Variants in PHLPP2 observed in about 807,000 individuals in gnomAD.
PHLPP2 encodes PH domain leucine-rich repeat-containing protein phosphatase 2.
In PHLPP2, 66 loss-of-function variants were observed where a neutral mutation model predicts 124.9. That is an observed-to-expected ratio of 0.53 (90% confidence interval 0.43 to 0.65). PHLPP2 has a LOEUF of 0.65. Ranked by LOEUF, PHLPP2 falls within the 30% of genes least tolerant of loss-of-function variation. The pLI is 0.00. For synonymous variants in PHLPP2, 681 were observed against 624.7 expected, an observed-to-expected ratio of 1.09 and a Z score of -1.34; for missense variants, 1,685 against 1,600.4, an observed-to-expected ratio of 1.05 and a Z score of -0.90.
rs550709866 is a variant in PHLPP2, at chr16:71,664,069, A to C, written c.1815T>G (p.Ser605Arg). ...TGCAGGCGGATGGTAAAGACTCCAG[A>C]CTATTTGCAGATGCATTCAAGTATC... is the stretch of plus-strand genomic sequence containing the variant. ...NLRYLNASAN[S>R]LESLPSACTG... Residue 605 changes from serine to arginine, a missense_variant, in exon 13 of 19, where the codon AGT (serine) becomes AGG (arginine). Physicochemically the swap from Ser to Arg is moderately radical, Grantham distance 110. Coordinates refer to ENST00000568954, the MANE Select transcript of PHLPP2 (RefSeq NM_015020.3). 12 of 1,613,784 alleles carry C rather than the reference A, an allele frequency of 7.4e-6. No individual in the cohort carries two copies. In the South Asian group the frequency reaches 1.2e-4, roughly 16 times the overall value.
chr16:71,659,006 C>G (rs1473985691), intron 13 of PHLPP2, among the ~76,000 whole-genome samples, 191 bp from the exon 14 acceptor site: 1 of 152,142 alleles, frequency 6.6e-6, no homozygotes, highest in Non-Finnish European at 1.5e-5. Flanking sequence ...CCTGCTATAA[C>G]TAAGCCTGAT....
chr16:71,714,938 C>T, intron 1 of PHLPP2, 137 bp from the exon 2 acceptor site: 1 of 1,033,926 alleles, frequency 9.7e-7, no homozygotes, highest in South Asian at 1.7e-5. Flanking sequence ...TGGAGCACTT[C>T]ACATCTATCA....
At chr16:71,718,428 A>C (rs1031976464) in intron 1 of PHLPP2, among the ~76,000 whole-genome samples, 20 of 151,900 alleles carry the variant, frequency 1.3e-4, no homozygotes, top group Non-Finnish European at 2.4e-4. Flanking sequence ...AAATACAAAA[A>C]CATTAGCTGG....
intron 16 of PHLPP2, among the ~76,000 whole-genome samples, chr16:71,655,934 C>T (rs979514985): frequency 6.6e-6 from 1 of 152,138 alleles, no homozygotes; most frequent in African/African-American, 2.4e-5. Context: ...GGGAAACAGT[C>T]GCATTCATGG....
At chr16:71,661,591 G>C (rs960466806) in intron 13 of PHLPP2, among the ~76,000 whole-genome samples, 2 of 151,872 alleles carry the variant, frequency 1.3e-5, no homozygotes, top group Non-Finnish European at 2.9e-5. Context: ...AATTTCAAGA[G>C]AGCTACCACA....
chr16:71,720,267 C>G (rs2045390412), intron 1 of PHLPP2, among the ~76,000 whole-genome samples: 1 of 151,870 alleles, frequency 6.6e-6, no homozygotes, highest in South Asian at 2.1e-4. Context: ...CCGCGCCTGG[C>G]CACGCCCAGC....
Position 71,674,126 on chromosome 16 carries a change from G to A in PHLPP2, c.1472-1804C>T, listed in dbSNP as rs1169951728. Reference sequence around the variant, plus strand: ...GAGCTTTGCTCTTGTTGCCCAAGCTGGAGTGTAATGGCATGACCTTGGCTC... The same window carrying A: ...GAGCTTTGCTCTTGTTGCCCAAGCTAGAGTGTAATGGCATGACCTTGGCTC... On this transcript the variant is annotated intron_variant, in intron 9 of 18. Transcript: ENST00000568954. 6.0e-5 allele frequency among the ~76,000 whole-genome samples: 9 copies of A among 149,520 alleles called. No homozygotes were observed. In the Admixed American group the frequency reaches 6.0e-4, roughly 10 times the overall value.
In PHLPP2 at chr16:71,690,716, A is replaced by G. The variant is rs2145353808; in HGVS notation, c.419-7T>C. ...TCCATGTGGCATGGTTTTTCTGAAA[A>G]GGAAATAATACTTCAGAATCCACCA... On this transcript the variant is annotated splice_polypyrimidine_tract_variant and splice_region_variant and intron_variant, in intron 3 of 18. Transcript: ENST00000568954. 2 of 1,590,084 alleles carry G rather than the reference A, an allele frequency of 1.3e-6. No homozygotes were observed. Among genetic ancestry groups the G allele is most frequent in the African/African-American group, 1.3e-5 (1 of 74,480 alleles).
Position 71,690,188 on chromosome 16 carries a change from G to A in PHLPP2, c.609+331C>T, listed in dbSNP as rs114686218. Among the ~76,000 whole-genome samples, 902 of 152,190 alleles carry A rather than the reference G, an allele frequency of 5.9e-3. 11 individuals carry two copies. Among genetic ancestry groups the A allele is most frequent in the African/African-American group, 0.019 (795 of 41,530 alleles). ...TTAATTGGGGGGGAAAAAAAACCCC[G>A]AAAGAATCTATTTGGTGATGGATGC... On this transcript the variant is annotated intron_variant, in intron 4 of 18. Coordinates refer to ENST00000568954, the MANE Select transcript of PHLPP2 (RefSeq NM_015020.3).
At chr16:71,710,305 T>C (rs964345294) in intron 2 of PHLPP2, among the ~76,000 whole-genome samples, 6 of 152,148 alleles carry the variant, frequency 3.9e-5, no homozygotes, top group African/African-American at 1.4e-4. Context: ...CCAGATGATC[T>C]CTCTAAGGTT....
At chr16:71,716,835 A>G (rs1270471385) in intron 1 of PHLPP2, among the ~76,000 whole-genome samples, 2 of 152,242 alleles carry the variant, frequency 1.3e-5, no homozygotes, top group Non-Finnish European at 2.9e-5. Context: ...ACTACCAGAC[A>G]TTTTTACTAG....
intron 11 of PHLPP2, among the ~76,000 whole-genome samples, chr16:71,668,038 A>T (rs2044854240): frequency 6.6e-6 from 1 of 152,170 alleles, no homozygotes; most frequent in African/African-American, 2.4e-5. Context: ...TTCAAATGCC[A>T]TCTTCTCCAT....
intron 3 of PHLPP2, 65 bp downstream of exon 3, chr16:71,702,533 A>G: frequency 7.6e-7 from 1 of 1,324,176 alleles, no homozygotes; most frequent in South Asian, 1.4e-5. Context: ...AGCTGACGGC[A>G]GATAAGAGGC....
Position 71,655,109 on chromosome 16 carries a change from T to C in PHLPP2, c.2585+131A>G, listed in dbSNP as rs2044731386. On this transcript the variant is annotated intron_variant, in intron 17 of 18. Coordinates refer to ENST00000568954, the MANE Select transcript of PHLPP2 (RefSeq NM_015020.3). The stretch of plus-strand genomic sequence containing the variant: ...CACTCCATGCTCATATAGAGAATGA[T>C]CATAGAAGACAACAACGTGAGTTCT... 1.2e-5 allele frequency: 8 copies of C among 670,248 alleles called. No homozygotes were observed. The Admixed American group carries it at 1.5e-4, about 13-fold the overall frequency. The allele number at this position is 670,248 out of a possible 1,614,324, so 41.5% of individuals were successfully genotyped here. A position where few individuals can be genotyped will look rare whatever the true frequency, so the allele number is the denominator to read the frequency against.
intron 1 of PHLPP2, among the ~76,000 whole-genome samples, chr16:71,720,602 T>C (rs572485778): frequency 2.6e-5 from 4 of 152,250 alleles, no homozygotes; most frequent in East Asian, 1.9e-4. Context: ...CGGTGGCTCA[T>C]GCCTGTAATC....
At chr16:71,673,809 C>T (rs1431301802) in intron 9 of PHLPP2, among the ~76,000 whole-genome samples, 8 of 152,156 alleles carry the variant, frequency 5.3e-5, no homozygotes, top group African/African-American at 1.9e-4. Context: ...AAAATCTCCA[C>T]AGCTAGGACT....
intron 15 of PHLPP2, among the ~76,000 whole-genome samples, 186 bp from the exon 16 acceptor site, chr16:71,656,867 A>T (rs895111950): frequency 1.3e-5 from 2 of 151,518 alleles, no homozygotes; most frequent in African/African-American, 2.4e-5. Flanking sequence ...CTCCTGCCTC[A>T]GCCTCCTAAG....
At chr16:71,684,126 T>TG (rs34225402) in intron 5 of PHLPP2, among the ~76,000 whole-genome samples, 3 of 58,946 alleles carry the variant, frequency 5.1e-5, no homozygotes, top group Non-Finnish European at 1.1e-4. Flanking sequence ...TGAGGTACTC[T>TG]TTTTTTTTTT....
At chr16:71,696,139 G>A (rs150277565) in intron 3 of PHLPP2, among the ~76,000 whole-genome samples, 155 of 152,172 alleles carry the variant, frequency 1.0e-3, no homozygotes, top group African/African-American at 3.7e-3. Context: ...TTAGGGTGGT[G>A]GAATGTTTTT....
Sources: allele counts gnomAD v4.1 joint callset (sites outside exome capture counted in the v4.1 genomes callset), GRCh38; gene constraint gnomAD v4.1.1; transcripts MANE v1.5; gene names NCBI Gene and HGNC (gene_info 2026-07-23, HGNC 2026-07-21).